The following ACSF3 variants were observed in gnomAD, a reference collection of about 807,000 sequenced individuals.
ACSF3 encodes malonate--CoA ligase ACSF3, mitochondrial.
ACSF3 carries 78 observed loss-of-function variants against 53.2 expected under a neutral mutation model. That is an observed-to-expected ratio of 1.47 (90% confidence interval 1.22 to 1.77). The LOEUF (loss-of-function observed/expected upper bound fraction) is 1.77, where lower values mean the gene tolerates loss of function less well. Among genes scored for constraint, ACSF3 ranks in the 40% most tolerant of loss-of-function variants. The probability of loss-of-function intolerance (pLI) is 0.00; values close to 1 mark genes in which losing one functional copy is unlikely to be tolerated. For synonymous variants in ACSF3, 414 were observed against 333.1 expected, an observed-to-expected ratio of 1.24 and a Z score of -2.65; for missense variants, 937 against 771.1, an observed-to-expected ratio of 1.22 and a Z score of -2.55.
chr16:89,108,945 C>T (rs1284725797), intron 4 of ACSF3, among the ~76,000 whole-genome samples: 1 of 152,054 alleles, frequency 6.6e-6, no homozygotes, highest in Non-Finnish European at 1.5e-5. Context: ...AAGAAACTGT[C>T]AAACTGGCCG....
At position 89,112,193 on chromosome 16, in the gene ACSF3, T is replaced by C; in HGVS notation, c.924T>C (p.Phe308=). Residue 308 remains phenylalanine (F), a synonymous_variant, in exon 5 of 11, where the codon TTT becomes TTC. Transcript: ENST00000614302. ...TKLMEYYDRH[F]TQPHAQDFLR... ...TGATGGAGTACTACGACAGGCATTT[T>C]ACCCAGCCGCACGCCCAGGATTTCT... 6.7e-7 allele frequency: 1 copy of C among 1,487,156 alleles called. No individual in the cohort carries two copies. Among genetic ancestry groups the C allele is most frequent in the South Asian group, 1.4e-5 (1 of 71,414 alleles). The allele number at this position is 1,487,156 out of a possible 1,614,324, so 92.1% of individuals were successfully genotyped here.
At chr16:89,137,829 C>A (rs970571634) in intron 8 of ACSF3, among the ~76,000 whole-genome samples, 7 of 152,272 alleles carry the variant, frequency 4.6e-5, no homozygotes, top group African/African-American at 1.7e-4. Context: ...CCTCCCAGGC[C>A]CTCCACGTGC....
At chr16:89,123,961 G>T (rs1907292222) in intron 7 of ACSF3, among the ~76,000 whole-genome samples, 1 of 152,220 alleles carries the variant, frequency 6.6e-6, no homozygotes, top group African/African-American at 2.4e-5. Context: ...TGTGCACACG[G>T]ATAGCACACG....
chr16:89,102,893 C>A, intron 4 of ACSF3, 134 bp downstream of exon 4: 1 of 1,270,232 alleles, frequency 7.9e-7, no homozygotes, highest in Non-Finnish European at 1.1e-6. Context: ...GCCGCGCCCT[C>A]AGACTAGGCA....
At position 89,155,839 on chromosome 16, in the gene ACSF3, C is replaced by T. The variant is rs1338827971; in HGVS notation, c.*1632C>T. 8.9e-6 allele frequency: 4 copies of T among 451,456 alleles called. No individual in the cohort carries two copies. Among genetic ancestry groups the T allele is most frequent in the Admixed American group, 2.4e-5 (1 of 42,190 alleles). 28.0% of individuals were successfully genotyped at this position (451,456 alleles called of 1,614,324 possible). On this transcript the variant is annotated 3_prime_UTR_variant, in exon 11 of 11. Coordinates refer to ENST00000614302, the MANE Select transcript of ACSF3 (RefSeq NM_001243279.3). ...AAGCTTACATAATCATTTGCTTTAT[C>T]CGATAGTATACATCAGTATATCATG...
chr16:89,145,101 G>A, intron 8 of ACSF3, 166 bp from the exon 9 acceptor site: 1 of 1,563,974 alleles, frequency 6.4e-7, no homozygotes, highest in Non-Finnish European at 8.7e-7. Flanking sequence ...GGCTTACCTG[G>A]CATAGCTGTT....
chr16:89,146,195 A>G, intron 10 of ACSF3, 146 bp downstream of exon 10: 2 of 633,174 alleles, frequency 3.2e-6, no homozygotes, highest in East Asian at 2.7e-5. Flanking sequence ...TAGAGACCTG[A>G]AGGCCGCACA....
intron 4 of ACSF3, among the ~76,000 whole-genome samples, chr16:89,110,788 C>A (rs755912388): frequency 9.2e-5 from 14 of 152,188 alleles, no homozygotes; most frequent in Non-Finnish European, 1.6e-4. Context: ...CGTCTGCGAG[C>A]CTGGCCTCTC....
chr16:89,136,480 G>A lies in ACSF3; in HGVS notation c.1366+3218G>A, dbSNP rs577392521. On this transcript the variant is annotated intron_variant, in intron 8 of 10. Transcript: ENST00000614302. ...AGCCTGCAATCAGCTCACAGCTGCC[G>A]CTCCTGCCGGGAGAGCATGATATTA... is the stretch of plus-strand genomic sequence containing the variant. The A allele has an allele frequency of 2.5e-4, 306 of 1,209,010 alleles. 1 individual carries two copies. In the African/African-American group the frequency reaches 3.6e-3, roughly 14 times the overall value. 74.9% of individuals were successfully genotyped at this position (1,209,010 alleles called of 1,614,324 possible).
At position 89,102,705 on chromosome 16, in the gene ACSF3, T is replaced by C. The variant is rs758226472; in HGVS notation, c.768T>C (p.Cys256=). Residue 256 remains cysteine (C), a synonymous_variant, in exon 4 of 11, where the codon TGT becomes TGC. Transcript: ENST00000614302. The part of the protein sequence containing the change: ...HVHGVVNALL[C]PLWVGATCVM... ...ATGGTGTGGTCAACGCGCTGCTCTG[T>C]CCTCTCTGGGTGGGAGCCACCTGTG... 1 of 1,613,480 alleles carries C rather than the reference T, an allele frequency of 6.2e-7. No individual in the cohort carries two copies. The highest frequency in any genetic ancestry group is 8.5e-7 in the Non-Finnish European group (1 of 1,179,990).
At chr16:89,144,113 A>C (rs1414247775) in intron 8 of ACSF3, among the ~76,000 whole-genome samples, 1 of 152,248 alleles carries the variant, frequency 6.6e-6, no homozygotes, top group East Asian at 1.9e-4. Flanking sequence ...GCTCGCAGGC[A>C]CGCACACTAT....
At chr16:89,138,202 C>T (rs1911020365) in intron 8 of ACSF3, among the ~76,000 whole-genome samples, 1 of 152,214 alleles carries the variant, frequency 6.6e-6, no homozygotes, top group South Asian at 2.1e-4. Context: ...CACAGCCTCT[C>T]CCTGTGGTAA....
chr16:89,148,760 G>C (rs954649732), intron 10 of ACSF3: 2 of 152,214 alleles, frequency 1.3e-5, no homozygotes, highest in Non-Finnish European at 2.9e-5. Context: ...TTTAGCCCCA[G>C]AGCAACAGGG....
chr16:89,097,708 C>G (rs1433513659), intron 1 of ACSF3, among the ~76,000 whole-genome samples: 1 of 152,204 alleles, frequency 6.6e-6, no homozygotes, highest in African/African-American at 2.4e-5. Flanking sequence ...CTCTGGGTTT[C>G]TCTATGGTAG....
chr16:89,101,543 C>T (rs528159615), intron 3 of ACSF3, among the ~76,000 whole-genome samples, 196 bp downstream of exon 3: 62 of 152,298 alleles, frequency 4.1e-4, no homozygotes, highest in African/African-American at 1.4e-3. Flanking sequence ...CGCAGGACGG[C>T]TCTGGGAGCG....
chr16:89,134,673 CCTG>C (rs1315987856), intron 8 of ACSF3, among the ~76,000 whole-genome samples: 1 of 152,236 alleles, frequency 6.6e-6, no homozygotes, highest in Non-Finnish European at 1.5e-5. Context: ...CATTGTCCCT[CCTG>C]CTGTGCTCTG....
At position 89,123,709 on chromosome 16, in the gene ACSF3, C is replaced by T. The variant is rs181939314; in HGVS notation, c.1239+2796C>T. ...GCTTGGTGTCATATTTGTCAGGAAACAGAAAGTACCTGCAGAAAGGAATGT... is the reference window on the plus strand; with the variant it reads ...GCTTGGTGTCATATTTGTCAGGAAATAGAAAGTACCTGCAGAAAGGAATGT... On this transcript the variant is annotated intron_variant, in intron 7 of 10. Transcript: ENST00000614302. Among the ~76,000 whole-genome samples the T allele has an allele frequency of 5.9e-4, 90 of 152,316 alleles. 2 individuals are homozygous for T. The highest frequency in any genetic ancestry group is 5.7e-3 in the Admixed American group (88 of 15,306).
intron 4 of ACSF3, 99 bp downstream of exon 4, chr16:89,102,858 T>G: frequency 6.5e-7 from 1 of 1,528,860 alleles, no homozygotes; most frequent in Non-Finnish European, 8.9e-7. Context: ...TAAGCGCCTT[T>G]CGCTGGTTGG....
In ACSF3 at chr16:89,125,343, C is replaced by CAAA. The variant is rs139116506; in HGVS notation, c.1239+4444_1239+4446dup. On this transcript the variant is annotated intron_variant, in intron 7 of 10. Coordinates refer to ENST00000614302, the MANE Select transcript of ACSF3 (RefSeq NM_001243279.3). ...GGGCAACAAGAGCAAAACTCTGTCT[C>CAAA]AAAAAAAAAAAAAAAAGAATTAGCT... 3.7e-3 allele frequency among the ~76,000 whole-genome samples: 520 copies of CAAA among 140,844 alleles called. 1 individual carries two copies. The highest frequency in any genetic ancestry group is 0.013 in the African/African-American group (478 of 37,720). 92.4% of individuals were successfully genotyped at this position (140,844 alleles called of 152,430 possible). A position where few individuals can be genotyped will look rare whatever the true frequency, so the allele number is the denominator to read the frequency against.
Sources: allele counts gnomAD v4.1 joint callset (sites outside exome capture counted in the v4.1 genomes callset), GRCh38; gene constraint gnomAD v4.1.1; transcripts MANE v1.5; gene names NCBI Gene and HGNC (gene_info 2026-07-23, HGNC 2026-07-21).